Variants in SLCO1C1 observed in about 807,000 individuals in gnomAD.
SLCO1C1 encodes solute carrier organic anion transporter family member 1C1.
A neutral mutation model predicts 76.4 loss-of-function variants in SLCO1C1; 70 were observed. The ratio of observed to expected loss-of-function variants is 0.92; its 90% confidence interval spans 0.76 to 1.12. The LOEUF is 1.12. SLCO1C1 is among the 50% of genes most tolerant of loss of function. The pLI is 0.00. For synonymous variants in SLCO1C1, 306 were observed against 286.1 expected, an observed-to-expected ratio of 1.07 and a Z score of -0.70; for missense variants, 912 against 823.8, an observed-to-expected ratio of 1.11 and a Z score of -1.31.
At chr12:20,746,221 C>A (rs1554145) in intron 13 of SLCO1C1, among the ~76,000 whole-genome samples, 65,996 of 151,572 alleles carry the variant, frequency 0.44, 17,037 homozygotes, top group South Asian at 0.63. Context: ...TAGTAGCAAC[C>A]GTAGTAACAA....
At chr12:20,742,922 G>A (rs1166258866) in intron 12 of SLCO1C1, among the ~76,000 whole-genome samples, 2 of 151,882 alleles carry the variant, frequency 1.3e-5, no homozygotes, top group Non-Finnish European at 2.9e-5. Context: ...TGTGCTTTTA[G>A]ACAAAAAGCC....
intron 4 of SLCO1C1, 114 bp from the exon 5 acceptor site, chr12:20,711,272 T>C: frequency 6.5e-6 from 8 of 1,223,322 alleles, no homozygotes; most frequent in Non-Finnish European, 9.0e-6. Context: ...TGAATTAGGT[T>C]CAGAGACAGC....
chr12:20,739,698 T>A (rs147492319), intron 11 of SLCO1C1, among the ~76,000 whole-genome samples: 3 of 152,132 alleles, frequency 2.0e-5, no homozygotes, highest in Non-Finnish European at 4.4e-5. Context: ...TAAACTGTTA[T>A]AAGGATGTGG....
chr12:20,750,689 C>T lies in SLCO1C1; in HGVS notation c.1813C>T (p.Pro605Ser), dbSNP rs375473904. 17 of 1,613,740 alleles carry T rather than the reference C, an allele frequency of 1.1e-5. No individual in the cohort carries two copies. The highest frequency in any genetic ancestry group is 1.3e-5 in the Non-Finnish European group (15 of 1,179,834). Reference sequence around the variant, plus strand: ...TTTTCTCACAGCAGGAATCCCAGCTCCAGTGTATTTTGGAGTTTTGATTGA... The same window carrying T: ...TTTTCTCACAGCAGGAATCCCAGCTTCAGTGTATTTTGGAGTTTTGATTGA... ...AIRVLAGIPA[P>S]VYFGVLIDTS... Residue 605 changes from proline (P) to serine (S), a missense_variant, in exon 14 of 15, where the codon CCA (proline) becomes TCA (serine). Pro to Ser is a moderately conservative substitution (Grantham distance 74). Coordinates refer to ENST00000266509, the MANE Select transcript of SLCO1C1 (RefSeq NM_017435.5).
chr12:20,729,861 T>C (rs1948188988), intron 9 of SLCO1C1, among the ~76,000 whole-genome samples: 1 of 152,008 alleles, frequency 6.6e-6, no homozygotes, highest in Non-Finnish European at 1.5e-5. Flanking sequence ...AGATAATACA[T>C]GAAATGTTGT....
At chr12:20,721,665 TAA>T (rs34902740) in intron 7 of SLCO1C1, 137 bp from the exon 8 acceptor site, 15,122 of 982,742 alleles carry the variant, frequency 0.015, 272 homozygotes, top group African/African-American at 0.079. Flanking sequence ...AAGATCCAGA[TAA>T]AAAAAAAAAT....
At chr12:20,724,407 GTGTGTATATATATATATATATATATATA>G (rs1161508315) in intron 9 of SLCO1C1, among the ~76,000 whole-genome samples, 3 of 45,394 alleles carry the variant, frequency 6.6e-5, no homozygotes, top group African/African-American at 1.6e-4. Context: ...GTGTGTGTGT[GTGTGTATATATATATATATATATATATA>G]TATATATATA....
At chr12:20,743,412 T>A (rs1404839345) in intron 13 of SLCO1C1, 43 bp downstream of exon 13, 1 of 1,486,108 alleles carries the variant, frequency 6.7e-7, no homozygotes, top group Non-Finnish European at 9.3e-7. Context: ...ACACCGTAAG[T>A]GTATTTTGAA....
chr12:20,706,696 C>G (rs954135524), intron 4 of SLCO1C1, among the ~76,000 whole-genome samples: 4 of 151,996 alleles, frequency 2.6e-5, no homozygotes, highest in African/African-American at 2.4e-5. Flanking sequence ...ATCTTTTTTA[C>G]TTTAGAGCTA....
chr12:20,722,232 CA>C (rs1339360865), intron 8 of SLCO1C1, among the ~76,000 whole-genome samples, 183 bp downstream of exon 8: 6 of 152,232 alleles, frequency 3.9e-5, no homozygotes, highest in African/African-American at 1.4e-4. Flanking sequence ...GACCAAAGAG[CA>C]AAGGCTTGAC....
chr12:20,696,025 A>G (rs1946249791), intron 1 of SLCO1C1, among the ~76,000 whole-genome samples: 1 of 152,094 alleles, frequency 6.6e-6, no homozygotes, highest in Non-Finnish European at 1.5e-5. Flanking sequence ...CATGCTTATA[A>G]ATTGTTTAGC....
At chr12:20,714,126 A>T (rs935635987) in intron 5 of SLCO1C1, among the ~76,000 whole-genome samples, 1 of 152,206 alleles carries the variant, frequency 6.6e-6, no homozygotes, top group African/African-American at 2.4e-5. Context: ...TCTGTTAGTT[A>T]TGCAGTCTGA....
intron 3 of SLCO1C1, among the ~76,000 whole-genome samples, chr12:20,704,888 C>T (rs946906505): frequency 6.6e-6 from 1 of 151,886 alleles, no homozygotes; most frequent in African/African-American, 2.4e-5. Context: ...ATAAATATAG[C>T]TAAAGCTTTA....
intron 5 of SLCO1C1, among the ~76,000 whole-genome samples, chr12:20,713,481 T>A (rs2120693372): frequency 6.6e-6 from 1 of 152,340 alleles, no homozygotes; most frequent in South Asian, 2.1e-4. Context: ...AATTAAAATG[T>A]GTTTAATAAA....
intron 7 of SLCO1C1, among the ~76,000 whole-genome samples, chr12:20,720,061 T>C (rs1470313470): frequency 6.6e-6 from 1 of 152,182 alleles, no homozygotes; most frequent in Non-Finnish European, 1.5e-5. Context: ...TCATTTAACA[T>C]TCTGAAATTC....
chr12:20,740,426 T>C (rs1948750550), intron 12 of SLCO1C1, 58 bp downstream of exon 12: 12 of 1,483,470 alleles, frequency 8.1e-6, no homozygotes, highest in Non-Finnish European at 1.1e-5. Context: ...TCTCGAGCAA[T>C]GATTTAAATT....
rs534946900 is a variant in SLCO1C1 at position 20,717,648 on chromosome 12, CTTTTTTTTTTTTTTTTT to C, written c.775+446_775+462del. 1.4e-3 allele frequency among the ~76,000 whole-genome samples: 60 copies of C among 42,320 alleles called. No homozygotes were observed. The South Asian group carries it at 0.015, about 10-fold the overall frequency. The allele number at this position is 42,320 out of a possible 152,430, so 27.8% of individuals were successfully genotyped here. A position where few individuals can be genotyped will look rare whatever the true frequency, so the allele number is the denominator to read the frequency against. ...GTCTACTGGCAACCAAACAGCCCTT[CTTTTTTTTTTTTTTTTT>C]TTTTTTTTTTTTTTTTTTTTTTTTT... On this transcript the variant is annotated intron_variant, in intron 7 of 14. Coordinates refer to ENST00000266509, the MANE Select transcript of SLCO1C1 (RefSeq NM_017435.5).
At chr12:20,703,955 C>CTCTGTGTGTGTG (rs1946649493) in intron 3 of SLCO1C1, among the ~76,000 whole-genome samples, 1 of 140,272 alleles carries the variant, frequency 7.1e-6, no homozygotes, top group African/African-American at 2.6e-5. Context: ...TCGAGTGTGT[C>CTCTGTGTGTGTG]TGTGTGTGTG....
At position 20,699,588 on chromosome 12, in the gene SLCO1C1, A is replaced by C; in HGVS notation, c.12A>C (p.Ser4=). 1 of 1,611,236 alleles carries C rather than the reference A, an allele frequency of 6.2e-7. No homozygotes were observed. Among genetic ancestry groups the C allele is most frequent in the Non-Finnish European group, 8.5e-7 (1 of 1,178,700 alleles). Reference sequence around the variant, plus strand: ...GGAATGTGTTTATAATGGACACTTCATCCAAAGAAAATATCCAGTTGTTCT... The same window carrying C: ...GGAATGTGTTTATAATGGACACTTCCTCCAAAGAAAATATCCAGTTGTTCT... MDT[S]SKENIQLFCK... Residue 4 remains serine (S), a synonymous_variant, in exon 2 of 15, where the codon TCA becomes TCC. Coordinates refer to ENST00000266509, the MANE Select transcript of SLCO1C1 (RefSeq NM_017435.5).
Sources: allele counts gnomAD v4.1 joint callset (sites outside exome capture counted in the v4.1 genomes callset), GRCh38; gene constraint gnomAD v4.1.1; transcripts MANE v1.5; gene names NCBI Gene and HGNC (gene_info 2026-07-23, HGNC 2026-07-21).